The following DGKZ variants were observed in gnomAD, a reference collection of about 807,000 sequenced individuals.
DGKZ encodes the protein DAG kinase zeta.
A neutral mutation model predicts 142.5 loss-of-function variants in DGKZ; 45 were observed. That is an observed-to-expected ratio of 0.32 (90% confidence interval 0.25 to 0.40). DGKZ has a LOEUF of 0.40. DGKZ is among the 10% of genes least tolerant of loss of function. The probability of loss-of-function intolerance (pLI) is 1.00; values close to 1 mark genes in which losing one functional copy is unlikely to be tolerated. For missense variants in DGKZ, 755 were observed against 1,306.5 expected (o/e 0.58, Z 6.51); for synonymous variants, 442 against 527.0 (o/e 0.84, Z 2.21).
intron 1 of DGKZ, chr11:46,366,527 G>C (rs1428635019): frequency 1.3e-6 from 2 of 1,595,914 alleles, no homozygotes; most frequent in Non-Finnish European, 1.7e-6. Context: ...CGTGGATAAG[G>C]TGCTCACTCC....
rs3740978 is a variant in DGKZ at position 46,367,332 on chromosome 11, C to T, written c.203C>T (p.Pro68Leu). The T allele has an allele frequency of 1.9e-6, 3 of 1,612,966 alleles. No homozygotes were observed. Among genetic ancestry groups the T allele is most frequent in the East Asian group, 4.5e-5 (2 of 44,872 alleles). ...TCGGGCCTCCAGCACCTGGCCCCCC[C>T]TCCGCCCACCCCTGGGGCCCCGTGC... The change falls in exon 2 of 31, where the codon CCT becomes CTT. Residue 68 changes from proline to leucine, a missense_variant. By Grantham distance (98) the Pro-to-Leu change is moderately conservative. Around this residue, in one of 8 missense-constraint regions of DGKZ, gnomAD observed 81 missense variants for 86.5 expected, o/e 0.94. Transcript: ENST00000527911. This position sits in a 1 kb window ranked among gnomAD's most constrained non-coding sequence, Gnocchi z 4.1.
At chr11:46,361,014 G>A (rs1294966481) in intron 1 of DGKZ, among the ~76,000 whole-genome samples, 1 of 152,212 alleles carries the variant, frequency 6.6e-6, no homozygotes, top group Non-Finnish European at 1.5e-5. Context: ...GGCAGTCACG[G>A]GCTTCCACAA....
chr11:46,345,492 C>T (rs1037865648), upstream of DGKZ: 50 of 1,512,622 alleles, frequency 3.3e-5, no homozygotes, highest in Non-Finnish European at 4.2e-5. The surrounding 1 kb of genome is among the most constrained non-coding windows in gnomAD (Gnocchi z 4.1). Context: ...GCGCTGGGGA[C>T]GGAAGAAGGG....
rs1293032800 is a variant in DGKZ, at chr11:46,372,471, G to A, written c.971G>A (p.Arg324Gln). The stretch of plus-strand genomic sequence containing the variant: ...TCTTTCCTCTGGTATCTCAATCCCC[G>A]ACAAGTCTTCGACCTGAGCCAGGGA... The change falls in exon 11 of 31, where the codon CGA (arginine) becomes CAA (glutamine). Residue 324 changes from arginine to glutamine, a missense_variant. This residue lies in a region of DGKZ where 191 missense variants were observed against 472.1 expected (regional missense o/e 0.40). Coordinates refer to ENST00000527911, the Ensembl canonical transcript of DGKZ. The surrounding 1 kb of genome is among the most constrained non-coding windows in gnomAD (Gnocchi z 5.9). 5 of 1,613,964 alleles carry A rather than the reference G, an allele frequency of 3.1e-6. No individual in the cohort carries two copies. The highest frequency in any genetic ancestry group is 1.3e-5 in the African/African-American group (1 of 75,008).
intron 1 of DGKZ, among the ~76,000 whole-genome samples, chr11:46,338,145 A>G (rs1411100342): frequency 1.3e-5 from 2 of 152,210 alleles, no homozygotes; most frequent in African/African-American, 2.4e-5. Flanking sequence ...TTAACATTTC[A>G]TAGAATTTCA....
At position 46,371,298 on chromosome 11, in the gene DGKZ, C is replaced by T. The variant is rs1005204437; in HGVS notation, c.571-15C>T. ...CACGCCTGCCCTGGTTCCCATCCATCCTGTCTACCCTCAGGGATTCCAGCA... is the reference window on the plus strand; with the variant it reads ...CACGCCTGCCCTGGTTCCCATCCATTCTGTCTACCCTCAGGGATTCCAGCA... On this transcript the variant is annotated splice_polypyrimidine_tract_variant and intron_variant, in intron 6 of 30. Transcript: ENST00000527911. 1 of 1,612,822 alleles carries T rather than the reference C, an allele frequency of 6.2e-7. No individual in the cohort carries two copies. The highest frequency in any genetic ancestry group is 1.3e-5 in the African/African-American group (1 of 74,918).
At chr11:46,371,443 G>C (rs143032254) in intron 7 of DGKZ, 44 bp from the exon 8 acceptor site, 2 of 1,607,638 alleles carry the variant, frequency 1.2e-6, no homozygotes, top group Non-Finnish European at 1.7e-6. Flanking sequence ...GGGTCCCCGA[G>C]TCTGAACACG....
At chr11:46,369,881 C>G in intron 5 of DGKZ, 60 bp from the exon 6 acceptor site, 2 of 1,577,436 alleles carry the variant, frequency 1.3e-6, no homozygotes, top group Non-Finnish European at 1.7e-6. Context: ...TGTGGGCAGT[C>G]CTCAGGACTG....
At chr11:46,346,341 T>C (rs1453967246), upstream of DGKZ, among the ~76,000 whole-genome samples, 5 of 151,818 alleles carry the variant, frequency 3.3e-5, no homozygotes, top group African/African-American at 4.8e-5. Flanking sequence ...AGCAGGGTGG[T>C]AGGGTTTGGG....
chr11:46,339,069 G>T (rs545277774), intron 1 of DGKZ, among the ~76,000 whole-genome samples: 65 of 152,196 alleles, frequency 4.3e-4, no homozygotes, highest in Non-Finnish European at 5.6e-4. Context: ...CCCAGCCTAC[G>T]GTCCTCCCCC....
At chr11:46,365,711 T>G in intron 1 of DGKZ, 1 of 985,454 alleles carries the variant, frequency 1.0e-6, no homozygotes, top group South Asian at 4.7e-5. Flanking sequence ...TAGCTTGGTT[T>G]GCTCCATGTC....
upstream of DGKZ, among the ~76,000 whole-genome samples, chr11:46,345,983 T>C (rs1457916786): frequency 2.6e-5 from 4 of 152,076 alleles, no homozygotes; most frequent in Non-Finnish European, 5.9e-5. This position sits in a 1 kb window ranked among gnomAD's most constrained non-coding sequence, Gnocchi z 4.1. Flanking sequence ...AAAGGACCCA[T>C]GCACCCCAGA....
At chr11:46,376,260 C>G in intron 22 of DGKZ, 68 bp from the exon 23 acceptor site, 1 of 1,608,860 alleles carries the variant, frequency 6.2e-7, no homozygotes, top group Non-Finnish European at 8.5e-7. Context: ...CTGGTTCCCC[C>G]TACTCCAAGT....
At chr11:46,352,124 T>C (rs1019171228) in intron 1 of DGKZ, among the ~76,000 whole-genome samples, 4 of 152,208 alleles carry the variant, frequency 2.6e-5, no homozygotes, top group African/African-American at 7.2e-5. Flanking sequence ...AATTCGCCAG[T>C]GGCCCCCCCG....
In DGKZ at chr11:46,365,350, C is replaced by T. The variant is rs115868093; in HGVS notation, c.162-1941C>T. ...TCACCCAGCTTCACCCTGGGGTATC[C>T]GTACTTTGTCCCTTCAGAAAGGTGA... On this transcript the variant is annotated intron_variant, in intron 1 of 30. Transcript: ENST00000527911. 1.7e-5 allele frequency: 17 copies of T among 985,418 alleles called. No individual in the cohort carries two copies. The African/African-American group carries it at 2.8e-4, about 16-fold the overall frequency. The allele number at this position is 985,418 out of a possible 1,614,324, so 61.0% of individuals were successfully genotyped here.
At chr11:46,378,874 T>C in intron 27 of DGKZ, 117 bp from the exon 28 acceptor site, 1 of 1,430,864 alleles carries the variant, frequency 7.0e-7, no homozygotes, top group Non-Finnish European at 9.2e-7. Flanking sequence ...GAGTAAGATG[T>C]GTGAGCGCAC....
rs1167409585 is a variant in DGKZ, at chr11:46,376,326, A to C, written c.2092-2A>C. 1 of 1,613,830 alleles carries C rather than the reference A, an allele frequency of 6.2e-7. No homozygotes were observed. The highest frequency in any genetic ancestry group is 1.1e-5 in the South Asian group (1 of 91,086). ...CAGCCTGGCCTTTGCTTCTCTCAAC[A>C]GGAGCCCGATGGTGCTGGAGCCAAG... On this transcript the variant is annotated splice_acceptor_variant, in intron 22 of 30. Transcript: ENST00000527911. LOFTEE classifies it high-confidence loss of function.
intron 1 of DGKZ, among the ~76,000 whole-genome samples, chr11:46,349,648 A>G (rs117722567): frequency 0.016 from 2,456 of 152,106 alleles, 22 homozygotes; most frequent in Non-Finnish European, 0.022. Context: ...CAGTCCTCCC[A>G]CCTCGGACTC....
intron 1 of DGKZ, among the ~76,000 whole-genome samples, chr11:46,351,859 G>A (rs946709581): frequency 6.6e-6 from 1 of 152,198 alleles, no homozygotes; most frequent in Non-Finnish European, 1.5e-5. Flanking sequence ...TGTGCCAAAC[G>A]CTGTCAGGGG....
Sources: gnomAD v4.1 joint callset for allele counts (sites outside exome capture counted in the v4.1 genomes callset) on GRCh38, gnomAD v4.1.1 for gene constraint, gnomAD v4.1.1 regional missense constraint, Gnocchi (gnomAD v3.1) non-coding constraint, MANE v1.5 for transcripts, NCBI Gene and HGNC (gene_info 2026-07-23, HGNC 2026-07-21) for gene names.